Variants in SMG6 observed in about 807,000 individuals in gnomAD.
SMG6 encodes the protein telomerase-binding protein EST1A.
In SMG6, 66 loss-of-function variants were observed where a neutral mutation model predicts 142.2. The ratio of observed to expected loss-of-function variants is 0.46; its 90% CI spans 0.38 to 0.57. The LOEUF (loss-of-function observed/expected upper bound fraction) is 0.57. SMG6 is among the 20% of genes least tolerant of loss of function. The pLI is 0.00. For synonymous variants in SMG6, 779 were observed against 702.4 expected, an observed-to-expected ratio of 1.11 and a Z score of -1.72; for missense variants, 1,793 against 1,832.0, an observed-to-expected ratio of 0.98 and a Z score of 0.39.
intron 10 of SMG6, among the ~76,000 whole-genome samples, chr17:2,227,223 G>A (rs548363519): frequency 1.1e-4 from 16 of 152,254 alleles, no homozygotes; most frequent in African/African-American, 3.9e-4. Flanking sequence ...TCCATTCCTA[G>A]GTACTTACGT....
At chr17:2,209,012 A>G (rs1045369297) in intron 10 of SMG6, among the ~76,000 whole-genome samples, 12 of 152,106 alleles carry the variant, frequency 7.9e-5, no homozygotes, top group Non-Finnish European at 1.8e-4. Flanking sequence ...AGACTCCATC[A>G]AAATTAGCTG....
intron 9 of SMG6, among the ~76,000 whole-genome samples, chr17:2,242,867 G>T (rs936019139): frequency 6.6e-6 from 1 of 152,090 alleles, no homozygotes; most frequent in East Asian, 1.9e-4. Context: ...ACTCACTAGT[G>T]ATTGTCTTGG....
intron 8 of SMG6, among the ~76,000 whole-genome samples, chr17:2,264,492 C>G (rs1381202610): frequency 6.6e-6 from 1 of 152,228 alleles, no homozygotes; most frequent in African/African-American, 2.4e-5. Context: ...TACTCCATCT[C>G]TCACATAGAG....
At chr17:2,219,230 C>A (rs188070259) in intron 10 of SMG6, among the ~76,000 whole-genome samples, 1 of 151,686 alleles carries the variant, frequency 6.6e-6, no homozygotes, top group African/African-American at 2.4e-5. Context: ...GCTAAAAATC[C>A]AAAAATTAGC....
intron 16 of SMG6, chr17:2,065,931 A>G: frequency 1.8e-6 from 1 of 551,514 alleles, no homozygotes; most frequent in Non-Finnish European, 3.3e-6. Flanking sequence ...ACTTAAAGGA[A>G]TCTTCTGGAG....
chr17:2,199,592 A>G (rs1357836112), intron 10 of SMG6, among the ~76,000 whole-genome samples: 1 of 151,684 alleles, frequency 6.6e-6, no homozygotes, highest in African/African-American at 2.4e-5. Flanking sequence ...AATAAAAAAG[A>G]TTTAATTTTG....
chr17:2,300,066 G>A lies in SMG6; in HGVS notation c.687C>T (p.Thr229=), dbSNP rs962010039. The A allele has an allele frequency of 6.2e-7, 1 of 1,613,980 alleles. No individual in the cohort carries two copies. The highest frequency in any genetic ancestry group is 8.5e-7 in the Non-Finnish European group (1 of 1,180,004). Residue 229 remains threonine, a synonymous_variant, in exon 2 of 19, where the codon ACC becomes ACT. Transcript: ENST00000263073. The stretch of plus-strand genomic sequence containing the variant: ...GCCTCCCGCGGGCTGGGTCGTCGTG[G>A]GTTTCCCTCACCCCCTCCCCTTTTC... ...RMGKGEGVRE[T]HDDPARGRPG...
At chr17:2,093,937 A>C (rs968678838) in intron 13 of SMG6, among the ~76,000 whole-genome samples, 1 of 152,098 alleles carries the variant, frequency 6.6e-6, no homozygotes, top group African/African-American at 2.4e-5. Flanking sequence ...TTCAGAACTA[A>C]GGTGCTAGAT....
At chr17:2,117,400 A>T (rs1401733239) in intron 13 of SMG6, among the ~76,000 whole-genome samples, 2 of 152,196 alleles carry the variant, frequency 1.3e-5, no homozygotes, top group African/African-American at 4.8e-5. Flanking sequence ...AACACAAAAA[A>T]TCCCAAATAA....
chr17:2,165,814 A>G (rs959673964), intron 13 of SMG6, among the ~76,000 whole-genome samples: 11 of 151,952 alleles, frequency 7.2e-5, no homozygotes, highest in Non-Finnish European at 1.6e-4. Flanking sequence ...CTGAGGGGGG[A>G]GGATCGCTTT....
chr17:2,233,836 A>G (rs947979564), intron 10 of SMG6, among the ~76,000 whole-genome samples: 5 of 152,048 alleles, frequency 3.3e-5, no homozygotes, highest in African/African-American at 9.7e-5. Flanking sequence ...CCCTGTCCCA[A>G]TGGCAGCCCA....
chr17:2,300,438 C>T lies in SMG6; in HGVS notation c.315G>A (p.Glu105=), dbSNP rs769996787. ...KDVCKELNNQ[E]QNGPIDPENN... is the part of the protein sequence containing the mutation. ...TTTCTGGGTCTATAGGACCATTCTG[C>T]TCTTGGTTGTTCAGTTCCTTGCAGA... The change falls in exon 2 of 19, where the codon GAG becomes GAA. Residue 105 remains glutamate (E), a synonymous_variant. Coordinates refer to ENST00000263073, the MANE Select transcript of SMG6 (RefSeq NM_017575.5). The T allele has an allele frequency of 6.2e-7, 1 of 1,614,216 alleles. No individual in the cohort carries two copies. The highest frequency in any genetic ancestry group is 8.5e-7 in the Non-Finnish European group (1 of 1,180,042).
chr17:2,099,136 G>T (rs1379213553), intron 13 of SMG6, among the ~76,000 whole-genome samples: 5 of 152,110 alleles, frequency 3.3e-5, no homozygotes, highest in African/African-American at 1.2e-4. Flanking sequence ...GATCGTGGGG[G>T]TCAGATGGCA....
At chr17:2,117,268 C>T (rs1385517869) in intron 13 of SMG6, among the ~76,000 whole-genome samples, 1 of 151,900 alleles carries the variant, frequency 6.6e-6, no homozygotes, top group Non-Finnish European at 1.5e-5. Flanking sequence ...GATGCCTGCT[C>T]TCACCATTTC....
chr17:2,146,103 T>C (rs1201048213), intron 13 of SMG6, among the ~76,000 whole-genome samples: 1 of 152,122 alleles, frequency 6.6e-6, no homozygotes, highest in East Asian at 1.9e-4. Flanking sequence ...TAAAATAATA[T>C]ATGTGGGAGG....
intron 8 of SMG6, among the ~76,000 whole-genome samples, chr17:2,264,528 CA>C (rs2151340687): frequency 1.3e-5 from 2 of 152,302 alleles, no homozygotes; most frequent in South Asian, 4.1e-4. Context: ...ACAACACCAG[CA>C]ACATCAAAAC....
intron 16 of SMG6, 198 bp from the exon 17 acceptor site, chr17:2,065,877 C>T (rs1597321047): frequency 1.7e-6 from 1 of 594,170 alleles, no homozygotes; most frequent in South Asian, 2.0e-5. Context: ...GGCTCTACTC[C>T]CTTTCTGTCT....
At chr17:2,072,784 C>T (rs1433501759) in intron 15 of SMG6, 1 of 152,188 alleles carries the variant, frequency 6.6e-6, no homozygotes, top group Non-Finnish European at 1.5e-5. Flanking sequence ...TTCCTTCCCT[C>T]TACAGGGTGA....
At chr17:2,230,213 A>AG (rs2073437356) in intron 10 of SMG6, among the ~76,000 whole-genome samples, 1 of 109,766 alleles carries the variant, frequency 9.1e-6, no homozygotes, top group African/African-American at 3.6e-5. Context: ...AAAAAAAAAA[A>AG]AAAAAAAAGG....
Sources: allele counts gnomAD v4.1 joint callset (sites outside exome capture counted in the v4.1 genomes callset), GRCh38; gene constraint gnomAD v4.1.1; transcripts MANE v1.5; gene names NCBI Gene and HGNC (gene_info 2026-07-23, HGNC 2026-07-21).